Variants in ZC3HAV1 observed in about 807,000 individuals in gnomAD.
The protein encoded by ZC3HAV1 is zinc finger CCCH-type antiviral protein 1.
ZC3HAV1 carries 41 observed loss-of-function variants against 86.6 expected under a neutral mutation model. That is an observed-to-expected ratio of 0.47 (90% confidence interval 0.37 to 0.61). The LOEUF (loss-of-function observed/expected upper bound fraction) is 0.61. ZC3HAV1 is among the 20% of genes least tolerant of loss of function. ZC3HAV1 has a pLI of 0.00. For synonymous variants in ZC3HAV1, 421 were observed against 432.1 expected (o/e 0.97, Z 0.32); for missense variants, 964 against 1,141.1 (o/e 0.84, Z 2.24).
At chr7:139,055,338 A>T (rs767175921) in intron 9 of ZC3HAV1, 43 bp from the exon 10 acceptor site, 74 of 1,550,370 alleles carry the variant, frequency 4.8e-5, no homozygotes, top group Non-Finnish European at 6.4e-5. Context: ...TCTGCTCCAC[A>T]GGCCCAAGTG....
intron 1 of ZC3HAV1, among the ~76,000 whole-genome samples, chr7:139,100,896 G>A (rs535149137): frequency 6.6e-6 from 1 of 151,460 alleles, no homozygotes; most frequent in Non-Finnish European, 1.5e-5. Context: ...ATGCGGAGCC[G>A]AGGCTGGACT....
rs1332922812 is a variant in ZC3HAV1, at chr7:139,057,561, C to T, written c.2097-2266G>A. 1.3e-4 allele frequency among the ~76,000 whole-genome samples: 2 copies of T among 15,860 alleles called. 1 individual carries two copies. Among genetic ancestry groups the T allele is most frequent in the Non-Finnish European group, 2.0e-4 (2 of 9,962 alleles). The allele number at this position is 15,860 out of a possible 152,430, so 10.4% of individuals were successfully genotyped here. On this transcript the variant is annotated intron_variant, in intron 9 of 12. Coordinates refer to ENST00000242351, the MANE Select transcript of ZC3HAV1 (RefSeq NM_020119.4). Reference sequence around the variant, plus strand: ...TTTTTTTTTTTTTTTTTTTTTGAGACGGAGTCTCCCTCTGTTGCCCAGGCT... The same window carrying T: ...TTTTTTTTTTTTTTTTTTTTTGAGATGGAGTCTCCCTCTGTTGCCCAGGCT...
At chr7:139,069,242 T>C (rs895850564) in intron 7 of ZC3HAV1, among the ~76,000 whole-genome samples, 1 of 152,220 alleles carries the variant, frequency 6.6e-6, no homozygotes, top group African/African-American at 2.4e-5. Context: ...ACAGTACTGT[T>C]ACTCCAGGTC....
At position 139,079,735 on chromosome 7, in the gene ZC3HAV1, G is replaced by A. The variant is rs138061005; in HGVS notation, c.1206C>T (p.Gly402=). 1.2e-6 allele frequency: 2 copies of A among 1,614,202 alleles called. No individual in the cohort carries two copies. Among genetic ancestry groups the A allele is most frequent in the East Asian group, 2.2e-5 (1 of 44,890 alleles). The change falls in exon 4 of 13, where the codon GGC becomes GGT. Residue 402 remains glycine (G), a synonymous_variant. Coordinates refer to ENST00000242351, the MANE Select transcript of ZC3HAV1 (RefSeq NM_020119.4). ...QTPEAVTTRK[G]TGLLSSDYRI... is the part of the protein sequence containing the mutation. ...TGTAGTCTGAGGAAAGCAAGCCTGT[G>A]CCCTTTCTGGTGGTCACAGCTTCAG...
Position 139,109,026 on chromosome 7 carries a change from C to T in ZC3HAV1, c.306G>A (p.Glu102=), listed in dbSNP as rs1379919740. 6.4e-7 allele frequency: 1 copy of T among 1,557,294 alleles called. No homozygotes were observed. The highest frequency in any genetic ancestry group is 2.4e-5 in the East Asian group (1 of 42,474). The part of the protein sequence containing the change: ...LLGRCNYSQS[E]RNLCKYSHEV... ...CCCCTCCCTCCGGGTGCACTCACCG[C>T]TCGGACTGCGAATAGTTGCACCGGC... The change falls in exon 1 of 13, where the codon GAG becomes GAA. Residue 102 remains glutamate, a splice_region_variant and synonymous_variant. Transcript: ENST00000242351.
At chr7:139,075,865 C>T (rs762190800) in intron 6 of ZC3HAV1, among the ~76,000 whole-genome samples, 15 of 152,126 alleles carry the variant, frequency 9.9e-5, no homozygotes, top group Non-Finnish European at 1.8e-4. Context: ...TTATTCAAAC[C>T]GTGTTTTTAA....
chr7:139,100,185 AAT>A (rs1416807138), intron 1 of ZC3HAV1, among the ~76,000 whole-genome samples: 1 of 152,124 alleles, frequency 6.6e-6, no homozygotes, highest in African/African-American at 2.4e-5. Context: ...AACTTAAAAA[AAT>A]GAGTAATAAG....
At chr7:139,049,054 T>G (rs1473631332) in intron 12 of ZC3HAV1, among the ~76,000 whole-genome samples, 1 of 152,082 alleles carries the variant, frequency 6.6e-6, no homozygotes, top group African/African-American at 2.4e-5. Context: ...ATATGAACTG[T>G]TCTACAACTT....
chr7:139,075,571 C>G (rs117776115), intron 6 of ZC3HAV1, among the ~76,000 whole-genome samples: 9,328 of 152,200 alleles, frequency 0.061, 353 homozygotes, highest in South Asian at 0.14. Flanking sequence ...TAGCGAGTAG[C>G]TGGGACCACA....
intron 7 of ZC3HAV1, among the ~76,000 whole-genome samples, chr7:139,066,955 T>C (rs1284144444): frequency 6.6e-6 from 1 of 152,080 alleles, no homozygotes; most frequent in African/African-American, 2.4e-5. Flanking sequence ...TTGGGGATGA[T>C]TTAGATTCCA....
intron 3 of ZC3HAV1, among the ~76,000 whole-genome samples, chr7:139,082,949 T>C (rs1817168227): frequency 6.6e-6 from 1 of 152,212 alleles, no homozygotes; most frequent in African/African-American, 2.4e-5. Context: ...ATAAATTTTC[T>C]GTATTAATTG....
In ZC3HAV1 at chr7:139,097,424, A is replaced by ATTTTTTTTTTT. The variant is rs1278585081; in HGVS notation, c.309-7666_309-7665insAAAAAAAAAAA. 5.9e-4 allele frequency among the ~76,000 whole-genome samples: 48 copies of ATTTTTTTTTTT among 81,174 alleles called. 1 individual carries two copies. The highest frequency in any genetic ancestry group is 3.3e-3 in the African/African-American group (46 of 14,052). 53.3% of individuals were successfully genotyped at this position (81,174 alleles called of 152,430 possible). ...TCCATATATATATATATATATATAT[A>ATTTTTTTTTTT]TATATTTTTTTTTTTTTTTTTTTTC... On this transcript the variant is annotated intron_variant, in intron 1 of 12. Transcript: ENST00000242351.
At chr7:139,079,108 A>G in intron 4 of ZC3HAV1, 2 of 1,536,110 alleles carry the variant, frequency 1.3e-6, no homozygotes, top group South Asian at 2.4e-5. Context: ...ACTTACACTG[A>G]GCAGAGCCTG....
rs1460244710 is a variant in ZC3HAV1 at position 139,057,590 on chromosome 7, G to C, written c.2097-2295C>G. On this transcript the variant is annotated intron_variant, in intron 9 of 12. Coordinates refer to ENST00000242351, the MANE Select transcript of ZC3HAV1 (RefSeq NM_020119.4). ...GTCTCCCTCTGTTGCCCAGGCTGGA[G>C]TGCAGTGGCGCGATCTCGGCTCACT... Among the ~76,000 whole-genome samples the C allele has an allele frequency of 2.6e-5, 2 of 76,974 alleles. 1 individual carries two copies. Among genetic ancestry groups the C allele is most frequent in the Non-Finnish European group, 5.0e-5 (2 of 40,294 alleles). 50.5% of individuals were successfully genotyped at this position (76,974 alleles called of 152,430 possible).
At chr7:139,056,745 AGAG>A (rs1388883007) in intron 9 of ZC3HAV1, among the ~76,000 whole-genome samples, 2 of 152,174 alleles carry the variant, frequency 1.3e-5, no homozygotes, top group African/African-American at 4.8e-5. Flanking sequence ...TGAAAAAAGT[AGAG>A]GAGGGGAAAC....
chr7:139,102,940 ATATG>A (rs1451170381), intron 1 of ZC3HAV1, among the ~76,000 whole-genome samples: 74 of 125,254 alleles, frequency 5.9e-4, no homozygotes, highest in Admixed American at 1.2e-3. Flanking sequence ...AAGTATATAT[ATATG>A]TATATGTATA....
At chr7:139,075,674 A>C (rs1816920876) in intron 6 of ZC3HAV1, among the ~76,000 whole-genome samples, 1 of 152,120 alleles carries the variant, frequency 6.6e-6, no homozygotes, top group South Asian at 2.1e-4. Context: ...TCCTGAGCTC[A>C]AGTGATCCTC....
intron 1 of ZC3HAV1, among the ~76,000 whole-genome samples, chr7:139,095,734 C>T (rs575740634): frequency 3.9e-5 from 6 of 152,326 alleles, no homozygotes; most frequent in South Asian, 2.1e-4. Flanking sequence ...TATGGACAGT[C>T]TCTCCAGTCT....
intron 12 of ZC3HAV1, 76 bp downstream of exon 12, chr7:139,053,375 T>C (rs1294762409): frequency 2.1e-6 from 3 of 1,458,830 alleles, no homozygotes; most frequent in African/African-American, 1.4e-5. Flanking sequence ...AATAATTACA[T>C]ATACCTCCTA....
Sources: gnomAD v4.1 joint callset for allele counts (sites outside exome capture counted in the v4.1 genomes callset) on GRCh38, gnomAD v4.1.1 for gene constraint, MANE v1.5 for transcripts, NCBI Gene and HGNC (gene_info 2026-07-23, HGNC 2026-07-21) for gene names.